PRIMA1: variants seen among roughly 807,000 people sequenced by gnomAD.
PRIMA1 encodes proline-rich membrane anchor 1.
In PRIMA1, 7 loss-of-function variants were observed where a neutral mutation model predicts 17.5. That is an observed-to-expected ratio of 0.40 (90% confidence interval 0.23 to 0.75). The LOEUF (loss-of-function observed/expected upper bound fraction) is 0.75. PRIMA1 is among the 30% of genes least tolerant of loss of function. PRIMA1 has a pLI of 0.37. For missense variants in PRIMA1, 200 were observed against 201.8 expected, an observed-to-expected ratio of 0.99 and a Z score of 0.05; for synonymous variants, 97 against 77.9, an observed-to-expected ratio of 1.25 and a Z score of -1.29.
intron 3 of PRIMA1, among the ~76,000 whole-genome samples, chr14:93,778,641 C>T (rs747088728): frequency 9.9e-5 from 15 of 152,170 alleles, no homozygotes; most frequent in African/African-American, 2.4e-4. Flanking sequence ...GCTAAAGAAA[C>T]GCTCCTTTGT....
At chr14:93,787,301 T>G (rs1885552060) in intron 2 of PRIMA1, among the ~76,000 whole-genome samples, 1 of 152,226 alleles carries the variant, frequency 6.6e-6, no homozygotes, top group Admixed American at 6.5e-5. Context: ...ATATATATCC[T>G]TGGGATCATT....
At chr14:93,762,188 C>T (rs567461164) in intron 3 of PRIMA1, among the ~76,000 whole-genome samples, 9 of 152,320 alleles carry the variant, frequency 5.9e-5, no homozygotes, top group Admixed American at 1.3e-4. Flanking sequence ...TCCAGCACTT[C>T]CTGACAGTGA....
chr14:93,725,791 CG>C (rs1346988160), intron 4 of PRIMA1: 1 of 357,680 alleles, frequency 2.8e-6, no homozygotes, highest in Non-Finnish European at 5.6e-6. Flanking sequence ...CTGGCCCCAC[CG>C]GCTGGCAGCA....
rs538437404 is a variant in PRIMA1 at position 93,758,111 on chromosome 14, C to T, written c.230-20741G>A. Among the ~76,000 whole-genome samples, 7 of 152,306 alleles carry T rather than the reference C, an allele frequency of 4.6e-5. No individual in the cohort carries two copies. In the South Asian group the frequency reaches 1.2e-3, roughly 27 times the overall value. The stretch of plus-strand genomic sequence containing the variant: ...CTTCACTTTCCTGTCCTGCCTCCCT[C>T]GCTTCCTTACAGCTTCCTCCTGGGT... On this transcript the variant is annotated intron_variant, in intron 3 of 4. Transcript: ENST00000393140.
chr14:93,766,085 G>C (rs918547622), intron 3 of PRIMA1, among the ~76,000 whole-genome samples: 2 of 152,194 alleles, frequency 1.3e-5, no homozygotes, highest in Admixed American at 1.3e-4. Flanking sequence ...GAGGGAGCCA[G>C]GCCACTTACA....
intron 3 of PRIMA1, among the ~76,000 whole-genome samples, chr14:93,760,942 C>T (rs1884705151): frequency 6.6e-6 from 1 of 152,086 alleles, no homozygotes; most frequent in Non-Finnish European, 1.5e-5. Context: ...CTACCCCCAC[C>T]CCAATCTATT....
At chr14:93,761,341 ACT>A (rs1380338912) in intron 3 of PRIMA1, among the ~76,000 whole-genome samples, 6 of 151,698 alleles carry the variant, frequency 4.0e-5, no homozygotes, top group South Asian at 2.1e-4. Flanking sequence ...ACAGAGCGAG[ACT>A]CTGTCTCAAA....
At chr14:93,766,950 C>A (rs185261801) in intron 3 of PRIMA1, among the ~76,000 whole-genome samples, 2 of 152,090 alleles carry the variant, frequency 1.3e-5, no homozygotes, top group Admixed American at 1.3e-4. Context: ...TGAGACACAG[C>A]GAAAGGACTG....
Position 93,741,035 on chromosome 14 carries a change from T to C in PRIMA1, c.230-3665A>G, listed in dbSNP as rs560264132. On this transcript the variant is annotated intron_variant, in intron 3 of 4. Transcript: ENST00000393140. ...GTATCCTGCACAGGGTCCCCTCTAA[T>C]ATTCTGCAAGCACACTTATCACCGC... Among the ~76,000 whole-genome samples the C allele has an allele frequency of 4.6e-5, 7 of 152,318 alleles. No homozygotes were observed. The South Asian group carries it at 8.3e-4, about 18-fold the overall frequency.
intron 3 of PRIMA1, among the ~76,000 whole-genome samples, chr14:93,752,518 G>A (rs961667253): frequency 2.0e-5 from 3 of 152,164 alleles, no homozygotes; most frequent in Admixed American, 1.3e-4. Context: ...ATATCTTCCT[G>A]AAAATAACAA....
At chr14:93,725,143 A>G (rs763295036) in intron 4 of PRIMA1, among the ~76,000 whole-genome samples, 4 of 150,640 alleles carry the variant, frequency 2.7e-5, no homozygotes, top group Admixed American at 2.0e-4. Context: ...GCAGCTGCTC[A>G]GCCAGTTTCC....
chr14:93,725,292 C>T (rs1014389809), intron 4 of PRIMA1, among the ~76,000 whole-genome samples: 10 of 150,672 alleles, frequency 6.6e-5, no homozygotes, highest in South Asian at 2.1e-4. Flanking sequence ...GGGTGGCAGC[C>T]GAGGGCTCTC....
chr14:93,759,088 G>C (rs867021850), intron 3 of PRIMA1, among the ~76,000 whole-genome samples: 2 of 152,308 alleles, frequency 1.3e-5, no homozygotes, highest in African/African-American at 4.8e-5. Flanking sequence ...TGATAGCAAC[G>C]GGGGTCACTG....
intron 3 of PRIMA1, among the ~76,000 whole-genome samples, chr14:93,738,195 G>A (rs905683060): frequency 1.3e-5 from 2 of 152,170 alleles, no homozygotes; most frequent in African/African-American, 4.8e-5. Flanking sequence ...CTCAATCCGT[G>A]GAGTCCTTGG....
intron 4 of PRIMA1, among the ~76,000 whole-genome samples, chr14:93,730,547 G>T (rs1486689349): frequency 6.6e-6 from 1 of 152,118 alleles, no homozygotes; most frequent in African/African-American, 2.4e-5. Flanking sequence ...CCCCACCAAG[G>T]CCTCAGTTCC....
intron 3 of PRIMA1, among the ~76,000 whole-genome samples, chr14:93,752,075 T>C (rs2076263225): frequency 6.6e-6 from 1 of 152,178 alleles, no homozygotes; most frequent in Non-Finnish European, 1.5e-5. Flanking sequence ...GGATGCTCGC[T>C]TCTCTTTCCA....
chr14:93,718,989 G>A lies in PRIMA1; in HGVS notation c.*2455C>T, dbSNP rs1329242699. On this transcript the variant is annotated 3_prime_UTR_variant, in exon 5 of 5. Transcript: ENST00000393140. The stretch of plus-strand genomic sequence containing the variant: ...GGGTTTTAAGTACCCTTATGTCTCT[G>A]TAAGCTCAAAATCTAGTGGGTCTCC... 6.6e-6 allele frequency: 1 copy of A among 152,160 alleles called. No individual in the cohort carries two copies. Among genetic ancestry groups the A allele is most frequent in the Non-Finnish European group, 1.5e-5 (1 of 68,034 alleles). 9.4% of individuals were successfully genotyped at this position (152,160 alleles called of 1,614,324 possible). A position where few individuals can be genotyped will look rare whatever the true frequency, so the allele number is the denominator to read the frequency against.
At chr14:93,761,675 C>G (rs539153617) in intron 3 of PRIMA1, among the ~76,000 whole-genome samples, 1 of 152,278 alleles carries the variant, frequency 6.6e-6, no homozygotes, top group African/African-American at 2.4e-5. Flanking sequence ...TCTGTAGTCT[C>G]TATTCCCGCC....
intron 2 of PRIMA1, among the ~76,000 whole-genome samples, chr14:93,785,305 G>A (rs1373541571): frequency 6.6e-6 from 1 of 151,878 alleles, no homozygotes; most frequent in Non-Finnish European, 1.5e-5. Context: ...GCTAAGGAAT[G>A]CTCCCACCAA....
Sources: allele counts gnomAD v4.1 joint callset (sites outside exome capture counted in the v4.1 genomes callset), GRCh38; gene constraint gnomAD v4.1.1; transcripts MANE v1.5; gene names NCBI Gene and HGNC (gene_info 2026-07-23, HGNC 2026-07-21).